The following CASP5 variants were observed in gnomAD, a reference collection of about 807,000 sequenced individuals.
CASP5 encodes caspase-5.
A neutral mutation model predicts 45.2 loss-of-function variants in CASP5; 42 were observed. The observed-to-expected ratio is 0.93, with a 90% CI of 0.73 to 1.20. The LOEUF is 1.20. Ranked by LOEUF, CASP5 falls within the 50% of genes most tolerant of loss-of-function variation. The pLI, the probability that CASP5 is intolerant of heterozygous loss-of-function variation, is 0.00. For missense variants in CASP5, 512 were observed against 532.2 expected (o/e 0.96, Z 0.37); for synonymous variants, 209 against 186.2 (o/e 1.12, Z -1.00).
At chr11:105,003,201 A>T (rs1026234743) in intron 4 of CASP5, 73 bp downstream of exon 4, 29 of 962,626 alleles carry the variant, frequency 3.0e-5, no homozygotes, top group Non-Finnish European at 4.0e-5. Flanking sequence ...CCCCATTTTT[A>T]AAAATGTGCA....
At chr11:105,018,388 G>T (rs1862751051) in intron 1 of CASP5, among the ~76,000 whole-genome samples, 1 of 152,164 alleles carries the variant, frequency 6.6e-6, no homozygotes, top group African/African-American at 2.4e-5. Context: ...AGACCCACCA[G>T]TGTGCTGTAT....
chr11:105,023,005 A>C (rs960294064), intron 1 of CASP5, 125 bp downstream of exon 1: 13 of 855,122 alleles, frequency 1.5e-5, no homozygotes, highest in Non-Finnish European at 2.3e-5. Flanking sequence ...AATAAGAGAA[A>C]GATTCAGCAT....
intron 4 of CASP5, 97 bp from the exon 5 acceptor site, chr11:105,002,298 G>C: frequency 1.1e-6 from 1 of 943,394 alleles, no homozygotes; most frequent in Non-Finnish European, 1.7e-6. Context: ...TCATGCAGCT[G>C]CCACCTTCCC....
intron 1 of CASP5, among the ~76,000 whole-genome samples, chr11:105,016,656 C>T (rs112312353): frequency 0.057 from 8,689 of 151,444 alleles, 237 homozygotes; most frequent in African/African-American, 0.064. Flanking sequence ...GAGGGTCCTA[C>T]GCCCACGGAG....
chr11:105,008,817 G>A lies in CASP5; in HGVS notation c.171C>T (p.Thr57=). ...AATATCCAGTCTTACTTTTTACACTGGTCGACTTTTGATCCGTATTAGGTA... is the reference window on the plus strand; with the variant it reads ...AATATCCAGTCTTACTTTTTACACTAGTCGACTTTTGATCCGTATTAGGTA... ...TLVPNTDQKS[T]SVKKDNHKKK... The change falls in exon 2 of 10, where the codon ACC becomes ACT. Residue 57 remains threonine (T), a synonymous_variant. Transcript: ENST00000260315. 6.2e-7 allele frequency: 1 copy of A among 1,605,378 alleles called. No homozygotes were observed. The highest frequency in any genetic ancestry group is 8.5e-7 in the Non-Finnish European group (1 of 1,175,010).
At chr11:105,011,163 A>G (rs1453952044) in intron 1 of CASP5, among the ~76,000 whole-genome samples, 1 of 151,784 alleles carries the variant, frequency 6.6e-6, no homozygotes, top group Non-Finnish European at 1.5e-5. Flanking sequence ...ATTTGCAAAG[A>G]GTACACAGAT....
intron 1 of CASP5, among the ~76,000 whole-genome samples, chr11:105,022,061 C>T (rs1862994098): frequency 6.7e-6 from 1 of 150,122 alleles, no homozygotes; most frequent in Admixed American, 6.6e-5. Flanking sequence ...ATCACAAGAA[C>T]AAAAAACCAA....
Position 105,003,387 on chromosome 11 carries a change from TGG to T in CASP5, c.434-6_434-5del. On this transcript the variant is annotated splice_region_variant and splice_polypyrimidine_tract_variant and intron_variant, in intron 3 of 9. Transcript: ENST00000260315. ...CCAGCCTCGATTTGCAGAAGAGCTG[TGG>T]GATATCACAAAATATAAATTATGGT... 1 of 1,516,878 alleles carries T rather than the reference TGG, an allele frequency of 6.6e-7. No individual in the cohort carries two copies. The highest frequency in any genetic ancestry group is 1.2e-5 in the South Asian group (1 of 86,036). 94.0% of individuals were successfully genotyped at this position (1,516,878 alleles called of 1,614,324 possible). A position where few individuals can be genotyped will look rare whatever the true frequency, so the allele number is the denominator to read the frequency against.
intron 2 of CASP5, among the ~76,000 whole-genome samples, 197 bp from the exon 3 acceptor site, chr11:105,007,531 C>G (rs1862071267): frequency 6.6e-6 from 1 of 152,078 alleles, no homozygotes; most frequent in African/African-American, 2.4e-5. Context: ...CTGTGCTTAG[C>G]AATTCATTTC....
At chr11:105,004,756 A>G (rs1316281400) in intron 3 of CASP5, among the ~76,000 whole-genome samples, 1 of 152,166 alleles carries the variant, frequency 6.6e-6, no homozygotes, top group Non-Finnish European at 1.5e-5. Context: ...CTAAGTGTGT[A>G]AGGAAACCAT....
chr11:105,018,853 T>C (rs1179197665), intron 1 of CASP5, among the ~76,000 whole-genome samples: 56 of 144,476 alleles, frequency 3.9e-4, no homozygotes, highest in Non-Finnish European at 6.0e-4. Flanking sequence ...AGAATATACA[T>C]TTTTTTCAGC....
intron 2 of CASP5, 86 bp downstream of exon 2, chr11:105,008,721 G>T: frequency 1.1e-6 from 1 of 897,200 alleles, no homozygotes; most frequent in Non-Finnish European, 1.8e-6. Flanking sequence ...GGAGGATAGG[G>T]GGATCACAGA....
intron 1 of CASP5, among the ~76,000 whole-genome samples, chr11:105,014,104 C>T (rs1050424144): frequency 6.6e-6 from 1 of 152,094 alleles, no homozygotes; most frequent in Admixed American, 6.6e-5. Flanking sequence ...CTAGATTTGA[C>T]CATGAAACGT....
intron 6 of CASP5, 85 bp from the exon 7 acceptor site, chr11:104,999,113 T>C: frequency 1.7e-6 from 2 of 1,184,058 alleles, no homozygotes; most frequent in Non-Finnish European, 2.4e-6. Context: ...TGTTACATAG[T>C]TACGCATGTA....
chr11:104,996,779 G>T (rs1005508840), intron 8 of CASP5, among the ~76,000 whole-genome samples: 1 of 152,106 alleles, frequency 6.6e-6, no homozygotes, highest in Non-Finnish European at 1.5e-5. Context: ...ATGGGAGGAG[G>T]TAAGAACTGT....
chr11:104,996,464 T>A (rs1028720037), intron 8 of CASP5, among the ~76,000 whole-genome samples: 3 of 152,206 alleles, frequency 2.0e-5, no homozygotes. Flanking sequence ...TATGGTACAA[T>A]CTTCTTTAAA....
At chr11:105,014,389 A>G (rs1238071645) in intron 1 of CASP5, among the ~76,000 whole-genome samples, 1 of 151,954 alleles carries the variant, frequency 6.6e-6, no homozygotes, top group Non-Finnish European at 1.5e-5. Context: ...TTAGGGTAGC[A>G]TAGTTTTTTA....
intron 1 of CASP5, among the ~76,000 whole-genome samples, chr11:105,016,433 G>A (rs916219342): frequency 8.5e-5 from 13 of 152,172 alleles, no homozygotes; most frequent in Admixed American, 5.9e-4. Context: ...GACAGTGGGC[G>A]CAGGTCAGTG....
chr11:105,010,401 G>T (rs1264138345), intron 1 of CASP5, among the ~76,000 whole-genome samples: 2 of 120,270 alleles, frequency 1.7e-5, no homozygotes, highest in African/African-American at 3.3e-5. Context: ...GATTTAATCA[G>T]TAATTATCAT....
Sources: gnomAD v4.1 joint callset for allele counts (sites outside exome capture counted in the v4.1 genomes callset) on GRCh38, gnomAD v4.1.1 for gene constraint, MANE v1.5 for transcripts, NCBI Gene and HGNC (gene_info 2026-07-23, HGNC 2026-07-21) for gene names.